GTF2H1: variants seen among roughly 807,000 people sequenced by gnomAD.
The protein encoded by GTF2H1 is general transcription factor IIH subunit 1, also known as BTF2 p62.
In GTF2H1, 16 loss-of-function variants were observed where a neutral mutation model predicts 71.2. The observed-to-expected ratio is 0.22, with a 90% CI of 0.15 to 0.34. The LOEUF (loss-of-function observed/expected upper bound fraction) is 0.34. GTF2H1 is among the 10% of genes least tolerant of loss of function. The pLI, the probability that GTF2H1 is intolerant of heterozygous loss-of-function variation, is 1.00. For synonymous variants in GTF2H1, 215 were observed against 219.0 expected, an observed-to-expected ratio of 0.98 and a Z score of 0.16; for missense variants, 498 against 648.2, an observed-to-expected ratio of 0.77 and a Z score of 2.52.
At chr11:18,363,365 A>T (rs1865750507) in intron 14 of GTF2H1, among the ~76,000 whole-genome samples, 1 of 152,130 alleles carries the variant, frequency 6.6e-6, no homozygotes, top group African/African-American at 2.4e-5. Context: ...TGGCTACTTA[A>T]TAGGTTCGTT....
chr11:18,363,663 A>G (rs936205863), intron 14 of GTF2H1, among the ~76,000 whole-genome samples: 3 of 152,194 alleles, frequency 2.0e-5, no homozygotes, highest in African/African-American at 4.8e-5. Context: ...AAACAGCATT[A>G]CTTATAATCA....
chr11:18,327,039 A>G (rs1003630168), intron 1 of GTF2H1, among the ~76,000 whole-genome samples: 7 of 152,192 alleles, frequency 4.6e-5, no homozygotes, highest in African/African-American at 9.6e-5. Context: ...GCAGATGCCT[A>G]TAATCCCAGC....
chr11:18,333,053 C>G lies in GTF2H1; in HGVS notation c.-15-7C>G. 1.9e-6 allele frequency: 3 copies of G among 1,592,622 alleles called. No individual in the cohort carries two copies. The East Asian group carries it at 6.8e-5, about 36-fold the overall frequency. ...GTTTTTTTCTTCATCTTTTTTTTCT[C>G]TCTTAGCACCTTCTAGCCACCATGG... On this transcript the variant is annotated splice_polypyrimidine_tract_variant and splice_region_variant and intron_variant, in intron 1 of 14. Coordinates refer to ENST00000265963, the MANE Select transcript of GTF2H1 (RefSeq NM_005316.4).
intron 2 of GTF2H1, among the ~76,000 whole-genome samples, chr11:18,334,013 G>T (rs1050298172): frequency 6.6e-6 from 1 of 152,158 alleles, no homozygotes. Flanking sequence ...AGGCCAAGGC[G>T]AGTGGATCAC....
At position 18,356,750 on chromosome 11, in the gene GTF2H1, C is replaced by A. The variant is rs538811219; in HGVS notation, c.1261-1202C>A. On this transcript the variant is annotated intron_variant, in intron 11 of 14. Coordinates refer to ENST00000265963, the MANE Select transcript of GTF2H1 (RefSeq NM_005316.4). ...TAATTGTAAGCCACCATGCCCAGCT[C>A]TCCCCATGTAATTTTTTTACACTGT... is the stretch of plus-strand genomic sequence containing the variant. 4.0e-5 allele frequency among the ~76,000 whole-genome samples: 6 copies of A among 150,302 alleles called. No homozygotes were observed. The South Asian group carries it at 1.3e-3, about 32-fold the overall frequency.
At chr11:18,357,773 C>T (rs1457546590) in intron 11 of GTF2H1, among the ~76,000 whole-genome samples, 179 bp from the exon 12 acceptor site, 2 of 152,020 alleles carry the variant, frequency 1.3e-5, no homozygotes, top group African/African-American at 4.8e-5. Flanking sequence ...TCTTTCTACA[C>T]GGATTGTGTT....
At chr11:18,355,666 A>G (rs12221676) in intron 11 of GTF2H1, among the ~76,000 whole-genome samples, 20,986 of 151,342 alleles carry the variant, frequency 0.14, 1,559 homozygotes, top group African/African-American at 0.19. Context: ...GGCATGTGTC[A>G]CCATCCCTGG....
At chr11:18,361,662 CTG>C (rs1161016213) in intron 14 of GTF2H1, among the ~76,000 whole-genome samples, 2 of 152,168 alleles carry the variant, frequency 1.3e-5, no homozygotes, top group Non-Finnish European at 2.9e-5. Context: ...CAGTGAGACT[CTG>C]TCTCAAAAAG....
chr11:18,330,181 G>T (rs898767434), intron 1 of GTF2H1, among the ~76,000 whole-genome samples: 1 of 152,142 alleles, frequency 6.6e-6, no homozygotes, highest in African/African-American at 2.4e-5. Context: ...AAATTCTGTG[G>T]CAAACATTTC....
chr11:18,346,733 C>CTTTTTTTT (rs35494754), intron 7 of GTF2H1, among the ~76,000 whole-genome samples: 21 of 85,224 alleles, frequency 2.5e-4, no homozygotes, highest in East Asian at 4.1e-4. Flanking sequence ...TTTTTATTTA[C>CTTTTTTTT]TTTTTTTTTT....
At chr11:18,345,845 A>G (rs1865281601) in intron 7 of GTF2H1, among the ~76,000 whole-genome samples, 1 of 138,548 alleles carries the variant, frequency 7.2e-6, no homozygotes, top group South Asian at 2.4e-4. Flanking sequence ...GCTAGAGTGC[A>G]GTAGCACCAT....
chr11:18,353,204 G>C (rs937587485), intron 11 of GTF2H1, among the ~76,000 whole-genome samples: 1 of 152,212 alleles, frequency 6.6e-6, no homozygotes, highest in Admixed American at 6.5e-5. Flanking sequence ...CAGCCTGGGC[G>C]ACAAGAGCGA....
chr11:18,358,817 T>C (rs900481098), intron 13 of GTF2H1, among the ~76,000 whole-genome samples, 177 bp downstream of exon 13: 5 of 152,246 alleles, frequency 3.3e-5, no homozygotes, highest in African/African-American at 4.8e-5. Flanking sequence ...GTACCCATTT[T>C]ATAGATTTGG....
rs1420420859 is a variant in GTF2H1, at chr11:18,365,830, C to T, written c.1608C>T (p.Leu536=). The T allele has an allele frequency of 2.5e-6, 4 of 1,613,894 alleles. No individual in the cohort carries two copies. The highest frequency in any genetic ancestry group is 1.7e-5 in the Admixed American group (1 of 59,990). Residue 536 remains leucine (L), a synonymous_variant, in exon 15 of 15, where the codon CTC becomes CTT. Transcript: ENST00000265963. ...TGCTCCAGACAGCCTACAACAAGCTCCACACATGGCAGTCACGGCGTCTGA... is the reference window on the plus strand; with the variant it reads ...TGCTCCAGACAGCCTACAACAAGCTTCACACATGGCAGTCACGGCGTCTGA... ...EEMLQTAYNK[L]HTWQSRRLMK... is the part of the protein sequence containing the mutation.
chr11:18,324,666 CT>C (rs1290347222), intron 1 of GTF2H1, among the ~76,000 whole-genome samples: 3 of 152,196 alleles, frequency 2.0e-5, no homozygotes. Flanking sequence ...ATAGAGATGT[CT>C]TTGTGCCCTT....
Position 18,347,936 on chromosome 11 carries a change from A to G in GTF2H1, c.1053+17A>G, listed in dbSNP as rs1319723559. 1.9e-6 allele frequency: 3 copies of G among 1,559,394 alleles called. No homozygotes were observed. The highest frequency in any genetic ancestry group is 1.4e-5 in the African/African-American group (1 of 73,978). ...GTCAAAAGGGTATGGGCAAAAAAATATGAACCATTTGGGGCTCAAGTTTCT... is the reference window on the plus strand; with the variant it reads ...GTCAAAAGGGTATGGGCAAAAAAATGTGAACCATTTGGGGCTCAAGTTTCT... On this transcript the variant is annotated intron_variant, in intron 9 of 14. Coordinates refer to ENST00000265963, the MANE Select transcript of GTF2H1 (RefSeq NM_005316.4).
chr11:18,352,408 A>T lies in GTF2H1; in HGVS notation c.1222A>T (p.Arg408Ter). The change falls in exon 11 of 15, where the codon AGA (arginine) becomes TGA (stop). Residue 408 changes from arginine to a stop codon, truncating the protein, a stop_gained. Coordinates refer to ENST00000265963, the MANE Select transcript of GTF2H1 (RefSeq NM_005316.4). LOFTEE classifies it high-confidence loss of function. ...QDIINSFQSI[R>*]QEMEAYTPKL... ...CATTATTAATTCTTTTCAAAGTATT[A>T]GACAAGAAATGGAAGCTTATACACC... 1.3e-6 allele frequency: 2 copies of T among 1,563,930 alleles called. No homozygotes were observed. The highest frequency in any genetic ancestry group is 1.8e-6 in the Non-Finnish European group (2 of 1,134,504).
intron 5 of GTF2H1, among the ~76,000 whole-genome samples, chr11:18,340,427 A>G (rs1331363071): frequency 2.0e-5 from 3 of 152,098 alleles, no homozygotes; most frequent in Non-Finnish European, 4.4e-5. Flanking sequence ...AGCTGGGACT[A>G]CAGGCACGTG....
At chr11:18,325,140 T>G (rs1325406723) in intron 1 of GTF2H1, among the ~76,000 whole-genome samples, 1 of 152,258 alleles carries the variant, frequency 6.6e-6, no homozygotes, top group Non-Finnish European at 1.5e-5. Context: ...AGAAGATTTC[T>G]CTTTCACTTG....
Sources: gnomAD v4.1 joint callset for allele counts (sites outside exome capture counted in the v4.1 genomes callset) on GRCh38, gnomAD v4.1.1 for gene constraint, MANE v1.5 for transcripts, NCBI Gene and HGNC (gene_info 2026-07-23, HGNC 2026-07-21) for gene names.